FRMD5: variants seen among roughly 807,000 people sequenced by gnomAD.
FRMD5 encodes the protein FERM domain containing 5.
In FRMD5, 20 loss-of-function variants were observed where a neutral mutation model predicts 69.0. The observed-to-expected ratio is 0.29, with a 90% CI of 0.20 to 0.42. The LOEUF (loss-of-function observed/expected upper bound fraction) is 0.42. Among genes scored for constraint, FRMD5 ranks in the 10% least tolerant of loss-of-function variants. The pLI, the probability that FRMD5 is intolerant of heterozygous loss-of-function variation, is 1.00. For missense variants in FRMD5, 595 were observed against 708.6 expected (o/e 0.84, Z 1.82); for synonymous variants, 271 against 260.1 (o/e 1.04, Z -0.40).
intron 1 of FRMD5, among the ~76,000 whole-genome samples, chr15:44,138,702 C>G (rs1042741909): frequency 1.3e-5 from 2 of 151,970 alleles, no homozygotes; most frequent in African/African-American, 4.8e-5. Context: ...TTGGTGGTCA[C>G]AGAAACTGAT....
chr15:44,017,291 T>G (rs1311715041), intron 1 of FRMD5, among the ~76,000 whole-genome samples: 1 of 151,116 alleles, frequency 6.6e-6, no homozygotes, highest in Admixed American at 6.6e-5. Flanking sequence ...TGAGCCAAGA[T>G]AGCGCCACTG....
At chr15:44,135,532 A>G (rs1018279252) in intron 1 of FRMD5, among the ~76,000 whole-genome samples, 2 of 152,206 alleles carry the variant, frequency 1.3e-5, no homozygotes, top group Non-Finnish European at 2.9e-5. Flanking sequence ...CAGTTTTTAA[A>G]TAACTACAAA....
intron 2 of FRMD5, among the ~76,000 whole-genome samples, chr15:43,923,118 C>G (rs1428334969): frequency 6.6e-6 from 1 of 152,198 alleles, no homozygotes; most frequent in Non-Finnish European, 1.5e-5. Flanking sequence ...TGTCTGCAAG[C>G]TGGGAGGCTG....
intron 1 of FRMD5, among the ~76,000 whole-genome samples, chr15:44,140,341 A>T (rs908057034): frequency 3.3e-5 from 5 of 152,132 alleles, no homozygotes; most frequent in African/African-American, 1.2e-4. Flanking sequence ...AATAGATATT[A>T]TGAAATACTA....
chr15:44,162,860 T>C (rs1595541243), intron 1 of FRMD5, among the ~76,000 whole-genome samples: 2 of 85,822 alleles, frequency 2.3e-5, no homozygotes, highest in Admixed American at 1.6e-4. Flanking sequence ...AGAGCGAAAC[T>C]CCGTCTCAAA....
At chr15:44,102,635 C>T (rs1260661804) in intron 1 of FRMD5, among the ~76,000 whole-genome samples, 2 of 152,294 alleles carry the variant, frequency 1.3e-5, no homozygotes, top group East Asian at 3.9e-4. Flanking sequence ...AGTTCCCAAG[C>T]AGACTTTCAT....
chr15:44,159,734 T>C (rs191086325), intron 1 of FRMD5, among the ~76,000 whole-genome samples: 1 of 152,200 alleles, frequency 6.6e-6, no homozygotes, highest in South Asian at 2.1e-4. Flanking sequence ...GGATAAAGAT[T>C]AGCAGTTAGA....
chr15:44,134,678 G>A (rs534697079), intron 1 of FRMD5, among the ~76,000 whole-genome samples: 2 of 152,240 alleles, frequency 1.3e-5, no homozygotes, highest in African/African-American at 4.8e-5. Context: ...TTGTACTCCC[G>A]ACCTCAAATG....
chr15:44,056,506 T>C (rs1378109228), intron 1 of FRMD5, among the ~76,000 whole-genome samples: 3 of 152,210 alleles, frequency 2.0e-5, no homozygotes, highest in Non-Finnish European at 4.4e-5. Context: ...CTGAAAAGCC[T>C]TTCCAGGTGT....
chr15:43,976,958 G>A (rs2090473383), intron 1 of FRMD5, among the ~76,000 whole-genome samples: 1 of 152,082 alleles, frequency 6.6e-6, no homozygotes, highest in Non-Finnish European at 1.5e-5. Context: ...AGCCTCTTGA[G>A]TAGCTGGGAT....
At chr15:43,923,447 T>C (rs1464084130) in intron 2 of FRMD5, among the ~76,000 whole-genome samples, 2 of 151,930 alleles carry the variant, frequency 1.3e-5, no homozygotes, top group Non-Finnish European at 2.9e-5. Context: ...AGACCTTAAG[T>C]GTGAAAAGGA....
At chr15:43,877,166 C>G (rs1330324475) in intron 13 of FRMD5, among the ~76,000 whole-genome samples, 1 of 152,202 alleles carries the variant, frequency 6.6e-6, no homozygotes, top group African/African-American at 2.4e-5. Context: ...GTGTGGTTCT[C>G]TCTGCCTTTG....
At chr15:44,179,734 T>C (rs2077962706) in intron 1 of FRMD5, among the ~76,000 whole-genome samples, 1 of 152,200 alleles carries the variant, frequency 6.6e-6, no homozygotes, top group South Asian at 2.1e-4. Context: ...GGCGGGATCA[T>C]CTATTTGTGC....
intron 1 of FRMD5, among the ~76,000 whole-genome samples, chr15:44,040,229 T>C (rs893692398): frequency 6.6e-6 from 1 of 152,162 alleles, no homozygotes; most frequent in Non-Finnish European, 1.5e-5. Context: ...TGGAACCAAG[T>C]TGGAAAACAC....
chr15:43,903,256 T>G (rs2089090040), intron 6 of FRMD5, among the ~76,000 whole-genome samples: 1 of 152,210 alleles, frequency 6.6e-6, no homozygotes, highest in Non-Finnish European at 1.5e-5. Flanking sequence ...GCTTGTGAAG[T>G]CAACATCTCT....
At chr15:44,163,998 A>T (rs1393215791) in intron 1 of FRMD5, among the ~76,000 whole-genome samples, 1 of 152,200 alleles carries the variant, frequency 6.6e-6, no homozygotes, top group Non-Finnish European at 1.5e-5. Context: ...AGCAAGGGGA[A>T]GTCTTTCAAA....
At chr15:44,138,050 C>G (rs902804960) in intron 1 of FRMD5, among the ~76,000 whole-genome samples, 1 of 152,112 alleles carries the variant, frequency 6.6e-6, no homozygotes, top group African/African-American at 2.4e-5. Context: ...CTACAGGAAC[C>G]AGATGGAGGC....
intron 1 of FRMD5, among the ~76,000 whole-genome samples, chr15:44,062,811 G>A (rs1293513376): frequency 6.6e-6 from 1 of 151,980 alleles, no homozygotes; most frequent in Non-Finnish European, 1.5e-5. Flanking sequence ...CCCAGATACA[G>A]AGGGACTACT....
chr15:43,978,655 G>C (rs12592399), intron 1 of FRMD5, among the ~76,000 whole-genome samples: 1 of 152,094 alleles, frequency 6.6e-6, no homozygotes, highest in African/African-American at 2.4e-5. Context: ...GGGTTCAAGT[G>C]ATTCTCCTGC....
Sources: allele counts gnomAD v4.1 joint callset (sites outside exome capture counted in the v4.1 genomes callset), GRCh38; gene constraint gnomAD v4.1.1; transcripts MANE v1.5; gene names NCBI Gene and HGNC (gene_info 2026-07-23, HGNC 2026-07-21).